The following ERO1A variants were observed in gnomAD, a reference collection of about 807,000 sequenced individuals.
The protein encoded by ERO1A is endoplasmic reticulum oxidoreductase 1 alpha.
In ERO1A, 49 loss-of-function variants were observed where a neutral mutation model predicts 76.9. The ratio of observed to expected loss-of-function variants is 0.64; its 90% CI spans 0.51 to 0.81. The LOEUF is 0.81. ERO1A is among the 30% of genes least tolerant of loss of function. The pLI is 0.00. For synonymous variants in ERO1A, 174 were observed against 181.2 expected (o/e 0.96, Z 0.32); for missense variants, 448 against 542.1 (o/e 0.83, Z 1.72).
intron 1 of ERO1A, among the ~76,000 whole-genome samples, chr14:52,686,266 G>A (rs1391540436): frequency 6.6e-6 from 1 of 152,170 alleles, no homozygotes; most frequent in Non-Finnish European, 1.5e-5. Context: ...AATGAATGTT[G>A]TCCATTGTCA....
chr14:52,657,441 C>T (rs1353748917), intron 11 of ERO1A, among the ~76,000 whole-genome samples: 6 of 152,180 alleles, frequency 3.9e-5, no homozygotes, highest in Admixed American at 2.0e-4. Context: ...TATTTTGTTT[C>T]TCAGAGTGTG....
intron 4 of ERO1A, among the ~76,000 whole-genome samples, chr14:52,672,697 G>A (rs2040643655): frequency 6.7e-6 from 1 of 148,592 alleles, no homozygotes; most frequent in Non-Finnish European, 1.5e-5. Context: ...TTGAGCCCAG[G>A]AGTTCGAGGT....
At position 52,641,507 on chromosome 14, in the gene ERO1A, A is replaced by G; in HGVS notation, c.*2063T>C. 1 of 152,246 alleles carries G rather than the reference A, an allele frequency of 6.6e-6. No individual in the cohort carries two copies. The highest frequency in any genetic ancestry group is 1.9e-4 in the East Asian group (1 of 5,180). 9.4% of individuals were successfully genotyped at this position (152,246 alleles called of 1,614,324 possible). The stretch of plus-strand genomic sequence containing the variant: ...CGGGCGCCTGTAGTCCCAGCTACTC[A>G]GGGGGCTGAGGCAGAAGAATGGCGT... On this transcript the variant is annotated 3_prime_UTR_variant, in exon 16 of 16. Transcript: ENST00000395686.
chr14:52,682,178 G>A (rs1303147101), intron 3 of ERO1A, 147 bp downstream of exon 3: 1 of 592,058 alleles, frequency 1.7e-6, no homozygotes, highest in African/African-American at 1.9e-5. Flanking sequence ...TGGATTGTTT[G>A]AGCCCAGAAA....
intron 6 of ERO1A, among the ~76,000 whole-genome samples, chr14:52,671,377 A>T (rs1402972654): frequency 6.6e-6 from 1 of 152,110 alleles, no homozygotes; most frequent in Non-Finnish European, 1.5e-5. Flanking sequence ...TGGTAATTCT[A>T]CGTTTAGGTT....
intron 3 of ERO1A, among the ~76,000 whole-genome samples, chr14:52,680,082 C>CAAAAAAAAAAAAAAAAAAAAAAA (rs35358193): frequency 4.4e-5 from 4 of 90,932 alleles, no homozygotes; most frequent in African/African-American, 8.2e-5. Context: ...AAAACACAAA[C>CAAAAAAAAAAAAAAAAAAAAAAA]AAAAAAAAAA....
At chr14:52,651,106 CAAA>C (rs5808681) in intron 13 of ERO1A, among the ~76,000 whole-genome samples, 56 of 102,334 alleles carry the variant, frequency 5.5e-4, no homozygotes, top group South Asian at 1.4e-3. Flanking sequence ...CTGTTTCTAC[CAAA>C]AAAAAAAAAA....
intron 4 of ERO1A, among the ~76,000 whole-genome samples, chr14:52,677,099 G>A (rs1032817653): frequency 1.3e-5 from 2 of 152,054 alleles, no homozygotes; most frequent in Non-Finnish European, 2.9e-5. Flanking sequence ...TTTCTCAGGA[G>A]AAATGGGCAC....
rs774173268 is a variant in ERO1A at position 52,643,656 on chromosome 14, G to C, written c.1347-26C>G. ...CTGTAACCAAAAAATATTTCACTCAGAAACCATCTTAGATAAATTTTATCT... is the reference window on the plus strand; with the variant it reads ...CTGTAACCAAAAAATATTTCACTCACAAACCATCTTAGATAAATTTTATCT... On this transcript the variant is annotated intron_variant, in intron 15 of 15. Coordinates refer to ENST00000395686, the MANE Select transcript of ERO1A (RefSeq NM_014584.3). 17 of 1,254,232 alleles carry C rather than the reference G, an allele frequency of 1.4e-5. No homozygotes were observed. The African/African-American group carries it at 2.4e-4, about 18-fold the overall frequency. The allele number at this position is 1,254,232 out of a possible 1,614,324, so 77.7% of individuals were successfully genotyped here. A position where few individuals can be genotyped will look rare whatever the true frequency, so the allele number is the denominator to read the frequency against.
At chr14:52,656,971 C>G (rs1438186141) in intron 11 of ERO1A, among the ~76,000 whole-genome samples, 1 of 152,048 alleles carries the variant, frequency 6.6e-6, no homozygotes, top group Non-Finnish European at 1.5e-5. Context: ...TAGGACTTGG[C>G]TCAGGAGGTG....
chr14:52,667,478 C>T lies in ERO1A; in HGVS notation c.509-983G>A, dbSNP rs570021877. On this transcript the variant is annotated intron_variant, in intron 6 of 15. Coordinates refer to ENST00000395686, the MANE Select transcript of ERO1A (RefSeq NM_014584.3). The stretch of plus-strand genomic sequence containing the variant: ...TTCATGCCTGTAATCCCAGCATTCT[C>T]GGAGGCCTGGGGGCAGACTGCTTGA... Among the ~76,000 whole-genome samples the T allele has an allele frequency of 1.4e-4, 21 of 152,216 alleles. No homozygotes were observed. In the South Asian group the frequency reaches 4.4e-3, roughly 32 times the overall value.
chr14:52,677,228 A>T (rs1370123233), intron 4 of ERO1A, among the ~76,000 whole-genome samples: 1 of 152,208 alleles, frequency 6.6e-6, no homozygotes, highest in Non-Finnish European at 1.5e-5. Flanking sequence ...AAAAGCTATT[A>T]GGGAGCTTTA....
At chr14:52,645,511 C>T (rs1721830224) in intron 15 of ERO1A, among the ~76,000 whole-genome samples, 3 of 150,058 alleles carry the variant, frequency 2.0e-5, no homozygotes, top group African/African-American at 7.3e-5. Context: ...TGGTCTTGAA[C>T]TCCTGGCCTC....
chr14:52,682,460 T>A, intron 2 of ERO1A, 52 bp from the exon 3 acceptor site: 1 of 1,317,636 alleles, frequency 7.6e-7, no homozygotes, highest in Non-Finnish European at 1.1e-6. Context: ...CCCAAAATTA[T>A]AATTGACAGT....
rs769514008 is a variant in ERO1A, at chr14:52,683,857, T to C, written c.165A>G (p.Arg55=). ...TTGGGAAAAGCCTGTAGTTATTAAATCTATCAATGGTTTCAACATCACAGG... is the reference window on the plus strand; with the variant it reads ...TTGGGAAAAGCCTGTAGTTATTAAACCTATCAATGGTTTCAACATCACAGG... ...DCTCDVETID[R]FNNYRLFPRL... The change falls in exon 2 of 16, where the codon AGA becomes AGG. Residue 55 remains arginine (R), a synonymous_variant. Transcript: ENST00000395686. 6.3e-7 allele frequency: 1 copy of C among 1,587,282 alleles called. No homozygotes were observed. Among genetic ancestry groups the C allele is most frequent in the African/African-American group, 1.3e-5 (1 of 74,428 alleles).
At chr14:52,694,984 T>C (rs1170340949) in intron 1 of ERO1A, among the ~76,000 whole-genome samples, 2 of 152,196 alleles carry the variant, frequency 1.3e-5, no homozygotes, top group African/African-American at 2.4e-5. Context: ...AGGTACTGGG[T>C]ACACAAGTTC....
chr14:52,693,002 C>CTTT (rs559143853), intron 1 of ERO1A, among the ~76,000 whole-genome samples: 136 of 85,712 alleles, frequency 1.6e-3, no homozygotes, highest in East Asian at 3.9e-3. Context: ...AAATAGACAA[C>CTTT]TTTTTTTTTT....
At chr14:52,649,373 A>T (rs1421537617) in intron 13 of ERO1A, among the ~76,000 whole-genome samples, 1 of 152,232 alleles carries the variant, frequency 6.6e-6, no homozygotes, top group Non-Finnish European at 1.5e-5. Context: ...TTTAAAATTA[A>T]TTTGTAAATA....
At chr14:52,663,049 CA>C (rs1449454199) in intron 8 of ERO1A, among the ~76,000 whole-genome samples, 1 of 152,088 alleles carries the variant, frequency 6.6e-6, no homozygotes, top group East Asian at 1.9e-4. Context: ...ATGGAAAAAG[CA>C]GCATTTGAGC....
Sources: gnomAD v4.1 joint callset for allele counts (sites outside exome capture counted in the v4.1 genomes callset) on GRCh38, gnomAD v4.1.1 for gene constraint, MANE v1.5 for transcripts, NCBI Gene and HGNC (gene_info 2026-07-23, HGNC 2026-07-21) for gene names.